SYNE1: variants seen among roughly 807,000 people sequenced by gnomAD.
The protein encoded by SYNE1 is nesprin-1.
SYNE1 carries 616 observed loss-of-function variants against 1,111.0 expected under a neutral mutation model. That is an observed-to-expected ratio of 0.55 (90% CI 0.52 to 0.59). The LOEUF (loss-of-function observed/expected upper bound fraction) is 0.59, where lower values mean the gene tolerates loss of function less well. SYNE1 is among the 20% of genes least tolerant of loss of function. SYNE1 has a pLI of 0.00. For synonymous variants in SYNE1, 3,855 were observed against 3,825.8 expected, an observed-to-expected ratio of 1.01 and a Z score of -0.28; for missense variants, 10,006 against 10,417.0, an observed-to-expected ratio of 0.96 and a Z score of 1.72.
At chr6:152,161,298 G>A (rs541159803) in intron 131 of SYNE1, among the ~76,000 whole-genome samples, 131 of 146,894 alleles carry the variant, frequency 8.9e-4, no homozygotes, top group Non-Finnish European at 6.1e-4. Context: ...TTACTACTAT[G>A]GTAATTTTCT....
Position 152,635,749 on chromosome 6 carries a change from A to T in SYNE1, c.-224+889T>A, listed in dbSNP as rs2099704890. On this transcript the variant is annotated intron_variant, in intron 2 of 145. Coordinates refer to ENST00000367255, the MANE Select transcript of SYNE1 (RefSeq NM_182961.4). ...TTTTAACTTTCTTAACATTCACAGG[A>T]ACATTTCAGATACAAGTTTTCCACC... Among the ~76,000 whole-genome samples the T allele has an allele frequency of 2.0e-5, 3 of 152,224 alleles. No homozygotes were observed. The South Asian group carries it at 6.2e-4, about 31-fold the overall frequency.
rs1455891211 is a variant in SYNE1, at chr6:152,465,219, A to G, written c.1932+39T>C. The G allele has an allele frequency of 1.9e-6, 3 of 1,604,476 alleles. No homozygotes were observed. In the African/African-American group the frequency reaches 4.0e-5, roughly 21 times the overall value. On this transcript the variant is annotated intron_variant, in intron 18 of 145. Transcript: ENST00000367255. ...CTGTAAAAGTCTCTCATTTTTACAT[A>G]CATCAAACGTCTTTTCTTTTTGCAT...
Position 152,520,463 on chromosome 6 carries a change from C to T in SYNE1, c.305G>A (p.Arg102Lys). 6.2e-7 allele frequency: 1 copy of T among 1,613,466 alleles called. No individual in the cohort carries two copies. The highest frequency in any genetic ancestry group is 8.5e-7 in the Non-Finnish European group (1 of 1,179,632). ...TTGTTTTTGTTTCTCTCTTACCTTT[C>T]TTCCTTCGAGGAACTTGAGTGCCGT... is the stretch of plus-strand genomic sequence containing the variant. ...IGTALKFLEG[R>K]KIKLVNINST... Residue 102 changes from arginine to lysine, a missense_variant, in exon 6 of 146, where the codon AGA becomes AAA. Coordinates refer to ENST00000367255, the MANE Select transcript of SYNE1 (RefSeq NM_182961.4).
Position 152,206,282 on chromosome 6 carries a change from C to T in SYNE1, c.22905G>A (p.Ala7635=), listed in dbSNP as rs758511859. The change falls in exon 126 of 146, where the codon GCG becomes GCA. Residue 7635 remains alanine, a synonymous_variant. Coordinates refer to ENST00000367255, the MANE Select transcript of SYNE1 (RefSeq NM_182961.4). ...VEAGKQLLLS[A]DSGAEAALQA... is the part of the protein sequence containing the mutation. ...GCAAGGCGGCCTCAGCGCCACTGTC[C>T]GCCGAGAGAAGGAGTTGCTTGCCAG... 2.7e-5 allele frequency: 44 copies of T among 1,613,880 alleles called. No homozygotes were observed. Among genetic ancestry groups the T allele is most frequent in the Middle Eastern group, 1.7e-4 (1 of 5,940 alleles).
At chr6:152,616,997 C>G (rs1292951012) in intron 3 of SYNE1, among the ~76,000 whole-genome samples, 7 of 152,186 alleles carry the variant, frequency 4.6e-5, no homozygotes, top group African/African-American at 1.4e-4. Context: ...TGGTCATTAA[C>G]AGCTATGCAA....
At position 152,253,961 on chromosome 6, in the gene SYNE1, G is replaced by A. The variant is rs377247710; in HGVS notation, c.19470+919C>T. 6.7e-4 allele frequency among the ~76,000 whole-genome samples: 100 copies of A among 148,682 alleles called. 1 individual carries two copies. Among genetic ancestry groups the A allele is most frequent in the African/African-American group, 2.4e-3 (97 of 40,648 alleles). On this transcript the variant is annotated intron_variant, in intron 104 of 145. Transcript: ENST00000367255. The stretch of plus-strand genomic sequence containing the variant: ...AAAATAACATTCAATTAAAACTTAT[G>A]TATTCTCAAAGAGTGCTTTTTATTA...
intron 136 of SYNE1, among the ~76,000 whole-genome samples, chr6:152,149,052 C>T (rs2059988130): frequency 6.6e-6 from 1 of 152,148 alleles, no homozygotes; most frequent in Admixed American, 6.5e-5. Flanking sequence ...AGAAGCTGTT[C>T]ACTTTGCTTC....
intron 104 of SYNE1, among the ~76,000 whole-genome samples, chr6:152,250,072 G>T (rs918359393): frequency 6.6e-6 from 1 of 151,688 alleles, no homozygotes; most frequent in Non-Finnish European, 1.5e-5. Context: ...AGACCAGCCG[G>T]GGCAACACAG....
rs189825432 is a variant in SYNE1, at chr6:152,461,523, A to T, written c.2394+74T>A. On this transcript the variant is annotated intron_variant, in intron 21 of 145. Coordinates refer to ENST00000367255, the MANE Select transcript of SYNE1 (RefSeq NM_182961.4). ...ACAAGTAAACACTTTGCCCATGGGGAGAAGGAGGTAGCAAGCAAGCTGAAG... is the reference window on the plus strand; with the variant it reads ...ACAAGTAAACACTTTGCCCATGGGGTGAAGGAGGTAGCAAGCAAGCTGAAG... 5.7e-4 allele frequency: 898 copies of T among 1,583,388 alleles called. 7 individuals are homozygous for T. In the African/African-American group the frequency reaches 0.01, roughly 18 times the overall value.
At chr6:152,447,026 G>C (rs972132082) in intron 29 of SYNE1, among the ~76,000 whole-genome samples, 2 of 152,116 alleles carry the variant, frequency 1.3e-5, no homozygotes, top group African/African-American at 4.8e-5. Context: ...TTAACCCTGT[G>C]TTATAAATAA....
At chr6:152,196,820 C>T (rs79007378) in intron 127 of SYNE1, among the ~76,000 whole-genome samples, 1 of 151,940 alleles carries the variant, frequency 6.6e-6, no homozygotes, top group Non-Finnish European at 1.5e-5. Context: ...AGTCCACTGG[C>T]TCCAAGCCCA....
intron 142 of SYNE1, chr6:152,134,130 T>G (rs1050939176): frequency 6.5e-6 from 1 of 154,074 alleles, no homozygotes; most frequent in African/African-American, 2.4e-5. Flanking sequence ...ATATGCTTCC[T>G]TATCTTCTAT....
intron 106 of SYNE1, among the ~76,000 whole-genome samples, chr6:152,243,728 A>G (rs2086364494): frequency 6.6e-6 from 1 of 152,224 alleles, no homozygotes; most frequent in Non-Finnish European, 1.5e-5. Context: ...AGAACTCACA[A>G]CCCTGTACTG....
At chr6:152,145,994 C>T (rs577256139) in intron 137 of SYNE1, 12 of 171,128 alleles carry the variant, frequency 7.0e-5, no homozygotes, top group African/African-American at 3.1e-4. Flanking sequence ...CACTGCACTC[C>T]AGCCTGGGCA....
chr6:152,378,959 T>C (rs1335817637), intron 56 of SYNE1, among the ~76,000 whole-genome samples: 6 of 152,216 alleles, frequency 3.9e-5, no homozygotes, highest in African/African-American at 1.2e-4. Context: ...TTTACAAAAA[T>C]TCATCAACAA....
chr6:152,234,501 G>C (rs576064948), intron 111 of SYNE1, among the ~76,000 whole-genome samples, 167 bp downstream of exon 111: 1 of 152,198 alleles, frequency 6.6e-6, no homozygotes, highest in East Asian at 1.9e-4. Flanking sequence ...CACCATGTTG[G>C]TCAGGCTGGT....
chr6:152,394,290 T>C (rs1253649949), intron 51 of SYNE1, among the ~76,000 whole-genome samples: 1 of 152,226 alleles, frequency 6.6e-6, no homozygotes, highest in Non-Finnish European at 1.5e-5. Context: ...TAAACATACA[T>C]GTGCATGTGT....
In SYNE1 at chr6:152,211,235, T is replaced by C. The variant is rs112946219; in HGVS notation, c.22589+259A>G. Among the ~76,000 whole-genome samples, 3,123 of 152,338 alleles carry C rather than the reference T, an allele frequency of 0.021. 97 individuals carry two copies. The highest frequency in any genetic ancestry group is 0.069 in the African/African-American group (2,875 of 41,574). On this transcript the variant is annotated intron_variant, in intron 124 of 145. Coordinates refer to ENST00000367255, the MANE Select transcript of SYNE1 (RefSeq NM_182961.4). ...TGATCTATTCATTAATTCCATTTCC[T>C]ACAGATGACTAGTGAAGGTTGGCTA... is the stretch of plus-strand genomic sequence containing the variant.
At chr6:152,250,469 T>G (rs1291835990) in intron 104 of SYNE1, among the ~76,000 whole-genome samples, 1 of 152,050 alleles carries the variant, frequency 6.6e-6, no homozygotes, top group African/African-American at 2.4e-5. Flanking sequence ...AAAACATCTA[T>G]AAGAACATGT....
Sources: allele counts gnomAD v4.1 joint callset (sites outside exome capture counted in the v4.1 genomes callset), GRCh38; gene constraint gnomAD v4.1.1; transcripts MANE v1.5; gene names NCBI Gene and HGNC (gene_info 2026-07-23, HGNC 2026-07-21).